The following YY1 variants were observed in gnomAD, a reference collection of about 807,000 sequenced individuals.
The protein encoded by YY1 is transcriptional repressor protein YY1.
YY1 carries 2 observed loss-of-function variants against 35.6 expected under a neutral mutation model. The observed-to-expected ratio is 0.06, with a 90% CI of 0.02 to 0.18. The LOEUF (loss-of-function observed/expected upper bound fraction) is 0.18. YY1 is among the 10% of genes least tolerant of loss of function. YY1 has a pLI of 1.00. For synonymous variants in YY1, 268 were observed against 238.9 expected (o/e 1.12, Z -1.12); for missense variants, 322 against 573.4 (o/e 0.56, Z 4.48).
intron 1 of YY1, among the ~76,000 whole-genome samples, chr14:100,251,208 A>G (rs1211013779): frequency 6.6e-6 from 1 of 152,200 alleles, no homozygotes; most frequent in Non-Finnish European, 1.5e-5. Flanking sequence ...TGGGTACCAA[A>G]TGTAATCACA....
Position 100,239,194 on chromosome 14 carries a change from C to A in YY1, c.-51C>A, listed in dbSNP as rs1440698626. The A allele has an allele frequency of 2.2e-6, 3 of 1,371,700 alleles. No individual in the cohort carries two copies. The highest frequency in any genetic ancestry group is 1.7e-5 in the South Asian group (1 of 58,996). 85.0% of individuals were successfully genotyped at this position (1,371,700 alleles called of 1,614,324 possible). ...CCGGCCGCCTCCTCGCCCGCCCGCC[C>A]GCAGCCGAGGAGCCGAGGCCGCCGC... is the stretch of plus-strand genomic sequence containing the variant. On this transcript the variant is annotated 5_prime_UTR_variant, in exon 1 of 5. Coordinates refer to ENST00000262238, the MANE Select transcript of YY1 (RefSeq NM_003403.5).
chr14:100,262,210 A>T (rs532839136), intron 1 of YY1, 94 bp from the exon 2 acceptor site: 28 of 1,388,000 alleles, frequency 2.0e-5, no homozygotes, highest in Non-Finnish European at 2.7e-5. Flanking sequence ...GGTGGCTATA[A>T]ATCACCCCAT....
intron 1 of YY1, among the ~76,000 whole-genome samples, chr14:100,244,021 T>C (rs1476533343): frequency 6.7e-6 from 1 of 149,614 alleles, no homozygotes; most frequent in East Asian, 2.0e-4. Context: ...GGCAGGAGAA[T>C]GGCGTGAACA....
chr14:100,248,121 C>CTTTTTCTT (rs1555369346), intron 1 of YY1, among the ~76,000 whole-genome samples: 33 of 117,630 alleles, frequency 2.8e-4, no homozygotes, highest in African/African-American at 6.9e-4. Flanking sequence ...ATTTTTTTTT[C>CTTTTTCTT]TTTTTTTTTT....
chr14:100,262,682 T>C (rs1193857690), intron 2 of YY1, among the ~76,000 whole-genome samples: 2 of 152,192 alleles, frequency 1.3e-5, no homozygotes, highest in African/African-American at 4.8e-5. Flanking sequence ...AGTGGTGCGA[T>C]CTCGACTCAC....
chr14:100,241,676 C>A (rs1890744843), intron 1 of YY1, among the ~76,000 whole-genome samples: 1 of 152,130 alleles, frequency 6.6e-6, no homozygotes, highest in African/African-American at 2.4e-5. Context: ...CATGTTGGAA[C>A]TAAAAGTCAT....
intron 1 of YY1, among the ~76,000 whole-genome samples, chr14:100,260,771 C>CTTTTTTTTTTT (rs71113254): frequency 1.9e-4 from 8 of 42,568 alleles, no homozygotes; most frequent in Admixed American, 3.5e-4. Flanking sequence ...GTGCCTGGTC[C>CTTTTTTTTTTT]TTTTTTTTTT....
chr14:100,249,878 A>C (rs751387593), intron 1 of YY1, among the ~76,000 whole-genome samples: 1 of 151,908 alleles, frequency 6.6e-6, no homozygotes, highest in Admixed American at 6.6e-5. Flanking sequence ...GGTTCAAGCA[A>C]TTCTCCTACT....
chr14:100,271,818 A>T (rs1029516288), intron 2 of YY1, among the ~76,000 whole-genome samples: 6 of 151,646 alleles, frequency 4.0e-5, no homozygotes, highest in Non-Finnish European at 7.4e-5. Flanking sequence ...CTAACTTTTT[A>T]TTTTTTTTAG....
At chr14:100,250,531 G>A (rs182326115) in intron 1 of YY1, among the ~76,000 whole-genome samples, 1 of 152,098 alleles carries the variant, frequency 6.6e-6, no homozygotes, top group Non-Finnish European at 1.5e-5. Flanking sequence ...CAACCCTAAT[G>A]AGGTTACTGG....
intron 1 of YY1, among the ~76,000 whole-genome samples, chr14:100,257,842 A>G (rs1173417144): frequency 1.3e-5 from 2 of 152,244 alleles, no homozygotes; most frequent in Non-Finnish European, 2.9e-5. Context: ...CAACATTGCT[A>G]TCATTCTGTA....
chr14:100,264,288 T>C (rs1029852447), intron 2 of YY1: 6 of 151,144 alleles, frequency 4.0e-5, no homozygotes, highest in Admixed American at 3.3e-4. Context: ...GCGATTCTCC[T>C]ACCTCAGCCC....
rs1407523720 is a variant in YY1 at position 100,280,218 on chromosome 14, G to C, written c.*2618G>C. ...GCTTGTGGTTAGAATTTATAATTTT[G>C]CTAACGATGTAATTTACTAAGGTTT... On this transcript the variant is annotated 3_prime_UTR_variant, in exon 5 of 5. Transcript: ENST00000262238. 1 of 152,178 alleles carries C rather than the reference G, an allele frequency of 6.6e-6. No individual in the cohort carries two copies. Among genetic ancestry groups the C allele is most frequent in the Non-Finnish European group, 1.5e-5 (1 of 68,036 alleles). 9.4% of individuals were successfully genotyped at this position (152,178 alleles called of 1,614,324 possible).
At chr14:100,255,054 C>G (rs1236757873) in intron 1 of YY1, among the ~76,000 whole-genome samples, 1 of 145,838 alleles carries the variant, frequency 6.9e-6, no homozygotes, top group Non-Finnish European at 1.5e-5. Flanking sequence ...ACCTTGGCCT[C>G]CCAAAGTGCT....
intron 1 of YY1, among the ~76,000 whole-genome samples, chr14:100,244,371 G>A (rs1373858683): frequency 1.7e-5 from 2 of 120,536 alleles, no homozygotes; most frequent in Admixed American, 1.1e-4. Flanking sequence ...CTGGCACCCA[G>A]GTTTGAGTGC....
chr14:100,279,401 C>G lies in YY1; in HGVS notation c.*1801C>G, dbSNP rs1412587778. 2.0e-5 allele frequency: 3 copies of G among 152,294 alleles called. No homozygotes were observed. The East Asian group carries it at 5.8e-4, about 29-fold the overall frequency. The allele number at this position is 152,294 out of a possible 1,614,324, so 9.4% of individuals were successfully genotyped here. A position where few individuals can be genotyped will look rare whatever the true frequency, so the allele number is the denominator to read the frequency against. On this transcript the variant is annotated 3_prime_UTR_variant, in exon 5 of 5. Coordinates refer to ENST00000262238, the MANE Select transcript of YY1 (RefSeq NM_003403.5). The stretch of plus-strand genomic sequence containing the variant: ...GGATTGGTGACCTACTAACAGTGAC[C>G]CTGTGGCTCTGTGGAATTTTGAAGT...
chr14:100,240,593 C>G (rs1351331080), intron 1 of YY1, among the ~76,000 whole-genome samples: 1 of 152,156 alleles, frequency 6.6e-6, no homozygotes, highest in East Asian at 1.9e-4. Flanking sequence ...CCCCGGCGGT[C>G]ACGCTCGCCC....
At chr14:100,245,155 C>G (rs769247179) in intron 1 of YY1, among the ~76,000 whole-genome samples, 4 of 151,730 alleles carry the variant, frequency 2.6e-5, no homozygotes, top group South Asian at 2.1e-4. Context: ...CCAGGATGGT[C>G]TCGATCTCCT....
Position 100,276,837 on chromosome 14 carries a change from T to A in YY1, c.1062+189T>A, listed in dbSNP as rs1031660003. 1.4e-6 allele frequency: 1 copy of A among 696,644 alleles called. No individual in the cohort carries two copies. The highest frequency in any genetic ancestry group is 2.5e-5 in the Admixed American group (1 of 39,686). 43.2% of individuals were successfully genotyped at this position (696,644 alleles called of 1,614,324 possible). A position where few individuals can be genotyped will look rare whatever the true frequency, so the allele number is the denominator to read the frequency against. On this transcript the variant is annotated intron_variant, in intron 4 of 4. Coordinates refer to ENST00000262238, the MANE Select transcript of YY1 (RefSeq NM_003403.5). The surrounding 1 kb of genome is among the most constrained non-coding windows in gnomAD (Gnocchi z 4.1). ...CCGGGGCTCTGGACATCCTTGTCTA[T>A]ACTCTGTGGTACTGGGTACGCAATG...
Sources: gnomAD v4.1 joint callset for allele counts (sites outside exome capture counted in the v4.1 genomes callset) on GRCh38, gnomAD v4.1.1 for gene constraint, Gnocchi (gnomAD v3.1) non-coding constraint, MANE v1.5 for transcripts, NCBI Gene and HGNC (gene_info 2026-07-23, HGNC 2026-07-21) for gene names.